Variants in SFMBT2 observed in about 807,000 individuals in gnomAD.
SFMBT2 encodes Scm like with four mbt domains 2.
In SFMBT2, 38 loss-of-function variants were observed where a neutral mutation model predicts 110.1. The observed-to-expected ratio is 0.35, with a 90% CI of 0.27 to 0.45. The LOEUF is 0.45. Among genes scored for constraint, SFMBT2 ranks in the 20% least tolerant of loss-of-function variants. SFMBT2 has a pLI of 1.00. For missense variants in SFMBT2, 1,011 were observed against 1,094.9 expected (o/e 0.92, Z 1.08); for synonymous variants, 425 against 425.4 (o/e 1.00, Z 0.01).
At position 7,410,961 on chromosome 10, in the gene SFMBT2, C is replaced by T. The variant is rs1846363063; in HGVS notation, c.-152G>A. On this transcript the variant is annotated 5_prime_UTR_variant, in exon 1 of 21. Transcript: ENST00000397167. Reference sequence around the variant, plus strand: ...TTGCTCGCTCGCCCGCCCTTGCCCGCTCGCTCCCCGCCCGCCGCCTCCCTC... The same window carrying T: ...TTGCTCGCTCGCCCGCCCTTGCCCGTTCGCTCCCCGCCCGCCGCCTCCCTC... 6.6e-6 allele frequency among the ~76,000 whole-genome samples: 1 copy of T among 151,502 alleles called. No individual in the cohort carries two copies. The highest frequency in any genetic ancestry group is 1.5e-5 in the Non-Finnish European group (1 of 67,846).
chr10:7,265,687 G>C (rs951861128), intron 7 of SFMBT2, among the ~76,000 whole-genome samples: 10 of 152,088 alleles, frequency 6.6e-5, no homozygotes, highest in Admixed American at 3.3e-4. Flanking sequence ...TCCCCTCTTA[G>C]GCTAGTCATC....
At chr10:7,287,645 C>A (rs965755380) in intron 4 of SFMBT2, among the ~76,000 whole-genome samples, 3 of 152,230 alleles carry the variant, frequency 2.0e-5, no homozygotes, top group African/African-American at 7.2e-5. Context: ...ACGTGGGCAG[C>A]CCGGGCTCCA....
intron 15 of SFMBT2, among the ~76,000 whole-genome samples, chr10:7,196,867 C>T (rs1398256506): frequency 6.6e-6 from 1 of 152,198 alleles, no homozygotes; most frequent in East Asian, 1.9e-4. Flanking sequence ...CTGTCTGAGG[C>T]TATGCTAGAA....
intron 2 of SFMBT2, among the ~76,000 whole-genome samples, chr10:7,371,848 T>C (rs1845072367): frequency 6.6e-6 from 1 of 151,474 alleles, no homozygotes; most frequent in African/African-American, 2.4e-5. Flanking sequence ...TCCTATCAGA[T>C]AGGCCAGGGG....
chr10:7,246,140 G>A, intron 8 of SFMBT2: 1 of 984,796 alleles, frequency 1.0e-6, no homozygotes, highest in Non-Finnish European at 1.2e-6. Context: ...GTCAATAAGA[G>A]GAGGGGTGTA....
At chr10:7,363,621 C>G (rs1844798106) in intron 4 of SFMBT2, among the ~76,000 whole-genome samples, 1 of 152,160 alleles carries the variant, frequency 6.6e-6, no homozygotes, top group African/African-American at 2.4e-5. Context: ...GCTGTGATTA[C>G]AGGCGTGAGC....
At chr10:7,271,457 T>C (rs1841579936) in intron 7 of SFMBT2, among the ~76,000 whole-genome samples, 1 of 152,058 alleles carries the variant, frequency 6.6e-6, no homozygotes, top group Non-Finnish European at 1.5e-5. Flanking sequence ...GCTTCAAAGT[T>C]AGGCAAAAAG....
chr10:7,336,639 G>A (rs943874879), intron 4 of SFMBT2, among the ~76,000 whole-genome samples: 2 of 145,756 alleles, frequency 1.4e-5, no homozygotes, highest in African/African-American at 5.3e-5. Context: ...AGGTGACACA[G>A]GGAGACCCTG....
chr10:7,382,608 G>A (rs958036796), intron 1 of SFMBT2, among the ~76,000 whole-genome samples: 2 of 149,174 alleles, frequency 1.3e-5, no homozygotes, highest in East Asian at 2.0e-4. Flanking sequence ...CACTCCCCCC[G>A]CCTTGAAGCT....
chr10:7,367,561 A>G lies in SFMBT2; in HGVS notation c.436+88T>C, dbSNP rs1164016150. The G allele has an allele frequency of 3.3e-6, 5 of 1,524,622 alleles. No individual in the cohort carries two copies. Among genetic ancestry groups the G allele is most frequent in the Non-Finnish European group, 4.4e-6 (5 of 1,139,618 alleles). 94.4% of individuals were successfully genotyped at this position (1,524,622 alleles called of 1,614,324 possible). ...TTGCACTAAGACCATTAGGGATTCTACGCAAGGTTCTCTCTGCTCCTTGCA... is the reference window on the plus strand; with the variant it reads ...TTGCACTAAGACCATTAGGGATTCTGCGCAAGGTTCTCTCTGCTCCTTGCA... On this transcript the variant is annotated intron_variant, in intron 4 of 20. Coordinates refer to ENST00000397167, the MANE Select transcript of SFMBT2 (RefSeq NM_001387889.1). This position sits in a 1 kb window ranked among gnomAD's most constrained non-coding sequence, Gnocchi z 6.2.
chr10:7,205,833 C>T lies in SFMBT2; in HGVS notation c.1426G>A (p.Ala476Thr), dbSNP rs780876788. The change falls in exon 12 of 21, where the codon GCA becomes ACA. Residue 476 changes from alanine to threonine, a missense_variant. Coordinates refer to ENST00000397167, the MANE Select transcript of SFMBT2 (RefSeq NM_001387889.1). ...CACTTACAGACTGTTTTGTGTGGTG[C>T]AGTCAAAGGATAAGAATTGGCTTCA... ...WCEANSYPLT[A>T]PHKTVSQKKR... 3.3e-5 allele frequency: 54 copies of T among 1,613,816 alleles called. No individual in the cohort carries two copies. The highest frequency in any genetic ancestry group is 1.5e-5 in the Non-Finnish European group (18 of 1,179,886).
Position 7,172,546 on chromosome 10 carries a change from C to A in SFMBT2, c.2100G>T (p.Val700=). 6.2e-7 allele frequency: 1 copy of A among 1,614,214 alleles called. No homozygotes were observed. ...RRRKRRKSIF[V]QKKRRSSAVD... ...CGGCAGAAGACCTCCGTTTCTTCTG[C>A]ACGAAAATGGATTTCCGTCGCTTCC... The change falls in exon 18 of 21, where the codon GTG becomes GTT. Residue 700 remains valine, a synonymous_variant. Transcript: ENST00000397167. This position sits in a 1 kb window ranked among gnomAD's most constrained non-coding sequence, Gnocchi z 4.6.
intron 7 of SFMBT2, among the ~76,000 whole-genome samples, chr10:7,252,329 GACAGCA>G (rs1840837375): frequency 1.3e-5 from 2 of 152,198 alleles, no homozygotes; most frequent in African/African-American, 4.8e-5. Flanking sequence ...AAATACAGCA[GACAGCA>G]ATGTGTCCCT....
intron 7 of SFMBT2, among the ~76,000 whole-genome samples, chr10:7,250,654 C>T (rs1212712988): frequency 6.6e-6 from 1 of 152,192 alleles, no homozygotes; most frequent in African/African-American, 2.4e-5. Flanking sequence ...CAAGAAATCT[C>T]AAAACTGCTT....
chr10:7,271,046 AG>A (rs1841561374), intron 7 of SFMBT2, among the ~76,000 whole-genome samples: 1 of 152,170 alleles, frequency 6.6e-6, no homozygotes. Context: ...GCACTTTGGG[AG>A]GCCGAGGTGG....
chr10:7,171,125 C>A lies in SFMBT2; in HGVS notation c.2416-69G>T. On this transcript the variant is annotated intron_variant, in intron 19 of 20. Transcript: ENST00000397167. The surrounding 1 kb of genome is among the most constrained non-coding windows in gnomAD (Gnocchi z 4.9). The stretch of plus-strand genomic sequence containing the variant: ...CTGGCTGGGTCCTCTCCAGCACTCT[C>A]CAGGCCTCGGCCGTTCCTGGCCGGA... 1 of 1,606,742 alleles carries A rather than the reference C, an allele frequency of 6.2e-7. No individual in the cohort carries two copies. Among genetic ancestry groups the A allele is most frequent in the Non-Finnish European group, 8.5e-7 (1 of 1,176,512 alleles).
intron 4 of SFMBT2, among the ~76,000 whole-genome samples, chr10:7,288,506 C>T (rs1418007762): frequency 6.6e-6 from 1 of 152,074 alleles, no homozygotes; most frequent in Non-Finnish European, 1.5e-5. Context: ...TGTTCTCTTC[C>T]TTCGTTATAG....
chr10:7,205,362 A>C, intron 12 of SFMBT2: 2 of 974,292 alleles, frequency 2.1e-6, no homozygotes, highest in Non-Finnish European at 2.4e-6. Flanking sequence ...AAGTACTGAG[A>C]TTATAGGAAT....
intron 7 of SFMBT2, among the ~76,000 whole-genome samples, chr10:7,262,246 G>T (rs1841230243): frequency 6.7e-6 from 1 of 149,878 alleles, no homozygotes. Context: ...TTTTTTGGAG[G>T]GGGGATGGGG....
Sources: gnomAD v4.1 joint callset for allele counts (sites outside exome capture counted in the v4.1 genomes callset) on GRCh38, gnomAD v4.1.1 for gene constraint, Gnocchi (gnomAD v3.1) non-coding constraint, MANE v1.5 for transcripts, NCBI Gene and HGNC (gene_info 2026-07-23, HGNC 2026-07-21) for gene names.